Variants in PTPRD observed in about 807,000 individuals in gnomAD.
The protein encoded by PTPRD is protein tyrosine phosphatase receptor type D.
PTPRD carries 34 observed loss-of-function variants against 214.5 expected under a neutral mutation model. The ratio of observed to expected loss-of-function variants is 0.16; its 90% confidence interval spans 0.12 to 0.21. The LOEUF (loss-of-function observed/expected upper bound fraction) is 0.21, where lower values mean the gene tolerates loss of function less well. Among genes scored for constraint, PTPRD ranks in the 10% least tolerant of loss-of-function variants. PTPRD has a pLI of 1.00. For synonymous variants in PTPRD, 1,128 were observed against 845.7 expected (o/e 1.33, Z -5.79); for missense variants, 2,545 against 2,398.7 (o/e 1.06, Z -1.27).
intron 8 of PTPRD, among the ~76,000 whole-genome samples, chr9:9,521,340 A>G (rs2096967063): frequency 6.6e-6 from 1 of 152,142 alleles, no homozygotes; most frequent in Non-Finnish European, 1.5e-5. Context: ...CACCTCTGCT[A>G]CTTAGTAAAC....
At chr9:8,871,166 C>T (rs1402779170) in intron 11 of PTPRD, among the ~76,000 whole-genome samples, 6 of 152,162 alleles carry the variant, frequency 3.9e-5, no homozygotes, top group Non-Finnish European at 8.8e-5. Context: ...TTTAAAAGCC[C>T]TGGGCATATG....
intron 3 of PTPRD, among the ~76,000 whole-genome samples, chr9:10,142,366 A>G (rs1015927407): frequency 1.3e-5 from 2 of 151,878 alleles, no homozygotes; most frequent in African/African-American, 2.4e-5. Flanking sequence ...AATTTTCGCA[A>G]CCTACTCATC....
At chr9:8,671,207 G>A (rs1361309092) in intron 12 of PTPRD, among the ~76,000 whole-genome samples, 1 of 152,084 alleles carries the variant, frequency 6.6e-6, no homozygotes, top group African/African-American at 2.4e-5. Context: ...ACTTAATTTT[G>A]CAGAAAAATG....
At chr9:10,494,198 C>A (rs776995816) in intron 2 of PTPRD, among the ~76,000 whole-genome samples, 15 of 151,778 alleles carry the variant, frequency 9.9e-5, no homozygotes, top group Non-Finnish European at 2.1e-4. Context: ...TAAGCAATAT[C>A]CTCTAAAGAT....
At chr9:9,229,326 G>A (rs2099961608) in intron 9 of PTPRD, among the ~76,000 whole-genome samples, 1 of 152,010 alleles carries the variant, frequency 6.6e-6, no homozygotes, top group South Asian at 2.1e-4. Flanking sequence ...AAAAATTATT[G>A]GAAGGCTACA....
At chr9:9,299,317 T>A (rs540497275) in intron 9 of PTPRD, among the ~76,000 whole-genome samples, 1 of 151,642 alleles carries the variant, frequency 6.6e-6, no homozygotes, top group Non-Finnish European at 1.5e-5. Context: ...CAGAGGACAT[T>A]TGGCAATGTC....
At chr9:9,076,430 TC>T (rs2099751326) in intron 10 of PTPRD, among the ~76,000 whole-genome samples, 1 of 151,958 alleles carries the variant, frequency 6.6e-6, no homozygotes, top group Non-Finnish European at 1.5e-5. Context: ...CCATTAACCG[TC>T]CCCTTTGCTC....
Position 9,309,080 on chromosome 9 carries a change from T to C in PTPRD, c.-203+88369A>G, listed in dbSNP as rs369257265. 1.6e-4 allele frequency among the ~76,000 whole-genome samples: 25 copies of C among 152,170 alleles called. No individual in the cohort carries two copies. The East Asian group carries it at 2.9e-3, about 18-fold the overall frequency. On this transcript the variant is annotated intron_variant, in intron 9 of 45. Transcript: ENST00000381196. ...TCTCAGCCTTTCTGCAATGTACAAA[T>C]AAAAATAAAAAACCAAGAATTTATT...
At chr9:9,211,751 T>A (rs191187550) in intron 9 of PTPRD, among the ~76,000 whole-genome samples, 38 of 152,296 alleles carry the variant, frequency 2.5e-4, no homozygotes. Context: ...TTTGTTGTGC[T>A]TTGCACATAT....
chr9:8,640,238 T>C (rs1030955641), intron 12 of PTPRD, among the ~76,000 whole-genome samples: 1 of 152,112 alleles, frequency 6.6e-6, no homozygotes, highest in Admixed American at 6.5e-5. Flanking sequence ...AGAGAAGTTT[T>C]TGTGTAATAT....
chr9:8,610,948 A>G (rs2095425074), intron 14 of PTPRD, among the ~76,000 whole-genome samples: 1 of 152,228 alleles, frequency 6.6e-6, no homozygotes, highest in Admixed American at 6.5e-5. Context: ...AGCTAATTAC[A>G]TTAACATTTT....
intron 39 of PTPRD, among the ~76,000 whole-genome samples, chr9:8,371,466 C>A (rs10977011): frequency 0.021 from 3,191 of 152,096 alleles, 119 homozygotes; most frequent in African/African-American, 0.072. Context: ...TAAACTTGCA[C>A]AGTGTGAACC....
chr9:8,726,588 AATATATATATATATATATATATAT>A lies in PTPRD; in HGVS notation c.64+7168_64+7191del, dbSNP rs1162966341. ...CTCTACTAAAAAAAAAAAAAAAAAA[AATATATATATATATATATATATAT>A]ATATATATATATATATATATATATA... On this transcript the variant is annotated intron_variant, in intron 12 of 45. Transcript: ENST00000381196. 3.1e-4 allele frequency among the ~76,000 whole-genome samples: 3 copies of A among 9,680 alleles called. 1 individual carries two copies. The highest frequency in any genetic ancestry group is 8.2e-4 in the African/African-American group (2 of 2,436). 6.4% of individuals were successfully genotyped at this position (9,680 alleles called of 152,430 possible).
Position 10,482,251 on chromosome 9 carries a change from G to A in PTPRD, c.-600+130147C>T, listed in dbSNP as rs559179396. On this transcript the variant is annotated intron_variant, in intron 2 of 45. Transcript: ENST00000381196. ...CCGGGCGTGGTGGCGGGTGCCTGTA[G>A]TCCCAGCTACTGAGGAGGCTGAGGC... Among the ~76,000 whole-genome samples, 17 of 151,904 alleles carry A rather than the reference G, an allele frequency of 1.1e-4. No homozygotes were observed. In the East Asian group the frequency reaches 2.0e-3, roughly 17 times the overall value.
chr9:8,345,397 C>T (rs1856621138), intron 39 of PTPRD, among the ~76,000 whole-genome samples: 1 of 152,082 alleles, frequency 6.6e-6, no homozygotes. Context: ...ACAATGCTTT[C>T]CACCATTTAG....
chr9:9,484,561 C>A (rs1589596323), intron 8 of PTPRD, among the ~76,000 whole-genome samples: 1 of 152,064 alleles, frequency 6.6e-6, no homozygotes, highest in East Asian at 1.9e-4. Flanking sequence ...TAATAAAAAG[C>A]AGAACAAACA....
intron 21 of PTPRD, among the ~76,000 whole-genome samples, chr9:8,513,508 G>A (rs1396504631): frequency 6.6e-6 from 1 of 151,968 alleles, no homozygotes; most frequent in Non-Finnish European, 1.5e-5. Context: ...GTACCTTTTA[G>A]ACACAGAAGA....
intron 3 of PTPRD, among the ~76,000 whole-genome samples, chr9:10,312,666 C>G (rs1186236790): frequency 6.6e-6 from 1 of 151,726 alleles, no homozygotes; most frequent in East Asian, 1.9e-4. Flanking sequence ...AACATAAGTG[C>G]TTTATATATA....
chr9:8,778,804 T>C (rs1220107016), intron 11 of PTPRD, among the ~76,000 whole-genome samples: 1 of 152,094 alleles, frequency 6.6e-6, no homozygotes, highest in Non-Finnish European at 1.5e-5. Context: ...TTTTATCACA[T>C]AAAAATGGAA....
Sources: gnomAD v4.1 joint callset for allele counts (sites outside exome capture counted in the v4.1 genomes callset) on GRCh38, gnomAD v4.1.1 for gene constraint, MANE v1.5 for transcripts, NCBI Gene and HGNC (gene_info 2026-07-23, HGNC 2026-07-21) for gene names.